OTUD7A: variants seen among roughly 807,000 people sequenced by gnomAD.
OTUD7A encodes the protein OTU domain-containing protein 7A.
OTUD7A carries 12 observed loss-of-function variants against 65.7 expected under a neutral mutation model. That is an observed-to-expected ratio of 0.18 (90% confidence interval 0.12 to 0.30). The LOEUF (loss-of-function observed/expected upper bound fraction) is 0.30. OTUD7A is among the 10% of genes least tolerant of loss of function. OTUD7A has a pLI of 1.00. For missense variants in OTUD7A, 1,148 were observed against 1,304.8 expected (o/e 0.88, Z 1.85); for synonymous variants, 641 against 586.3 (o/e 1.09, Z -1.35).
intron 8 of OTUD7A, among the ~76,000 whole-genome samples, chr15:31,506,945 T>G (rs1343146967): frequency 1.3e-5 from 2 of 152,248 alleles, no homozygotes; most frequent in Non-Finnish European, 2.9e-5. Context: ...GGGGATAATT[T>G]GGGCCTCTGG....
chr15:31,773,356 A>G (rs571145396), intron 1 of OTUD7A, among the ~76,000 whole-genome samples: 26 of 152,236 alleles, frequency 1.7e-4, no homozygotes, highest in Non-Finnish European at 3.4e-4. Flanking sequence ...TGGAGGGAAG[A>G]AGTCCAACAT....
chr15:31,512,078 AT>A (rs2041762487), intron 8 of OTUD7A, among the ~76,000 whole-genome samples: 1 of 152,064 alleles, frequency 6.6e-6, no homozygotes, highest in South Asian at 2.1e-4. Flanking sequence ...TCTCCTTGGT[AT>A]GTTTTAACTA....
chr15:31,487,464 G>A lies in OTUD7A; in HGVS notation c.1274C>T (p.Ala425Val). The change falls in exon 11 of 13, where the codon GCC becomes GTC. Residue 425 changes from alanine to valine, a missense_variant. Transcript: ENST00000307050. The surrounding 1 kb of genome is among the most constrained non-coding windows in gnomAD (Gnocchi z 6.0). ...AGTAGGATCTTACTGGGCCAGCCGG[G>A]CGTTATCGTTGTCGTCTTTCCCCCA... ...WEWGKDDNDN[A>V]RLAHLILSLE... 6.2e-7 allele frequency: 1 copy of A among 1,613,992 alleles called. No homozygotes were observed. Among genetic ancestry groups the A allele is most frequent in the Non-Finnish European group, 8.5e-7 (1 of 1,179,992 alleles).
Position 31,479,931 on chromosome 15 carries a change from A to G in OTUD7A, c.*3363T>C, listed in dbSNP as rs545396521. Reference sequence around the variant, plus strand: ...AGTGAATACAAAGTATTCATTTAAGAGGAAAGGTGCAGTACCAAAATCCAT... The same window carrying G: ...AGTGAATACAAAGTATTCATTTAAGGGGAAAGGTGCAGTACCAAAATCCAT... On this transcript the variant is annotated 3_prime_UTR_variant, in exon 13 of 13. Transcript: ENST00000307050. The G allele has an allele frequency of 6.6e-6, 1 of 152,260 alleles. No homozygotes were observed. The highest frequency in any genetic ancestry group is 2.4e-5 in the African/African-American group (1 of 41,470). The allele number at this position is 152,260 out of a possible 1,614,324, so 9.4% of individuals were successfully genotyped here. A position where few individuals can be genotyped will look rare whatever the true frequency, so the allele number is the denominator to read the frequency against.
chr15:31,678,285 T>C (rs941746611), intron 1 of OTUD7A, among the ~76,000 whole-genome samples: 10 of 152,152 alleles, frequency 6.6e-5, no homozygotes, highest in Admixed American at 6.5e-4. Context: ...GTTCAGAAAA[T>C]TTGCAGCCTG....
chr15:31,784,827 T>A (rs1256014292), intron 1 of OTUD7A, among the ~76,000 whole-genome samples: 1 of 152,130 alleles, frequency 6.6e-6, no homozygotes, highest in Non-Finnish European at 1.5e-5. Context: ...AAAGAATGAA[T>A]AGAAGGTGAG....
At position 31,655,151 on chromosome 15, in the gene OTUD7A, T is replaced by G; in HGVS notation, c.96A>C (p.Ser32=). The G allele has an allele frequency of 6.5e-7, 1 of 1,542,446 alleles. No individual in the cohort carries two copies. The highest frequency in any genetic ancestry group is 8.7e-7 in the Non-Finnish European group (1 of 1,148,048). ...PMTLDMDAVL[S]DFVRSTGAEP... ...CTGCCCCCGTGGACCGAACAAAGTC[T>G]GACAGGACTGCGTCCATATCAAGAG... The change falls in exon 3 of 13, where the codon TCA becomes TCC. Residue 32 remains serine, a synonymous_variant. Coordinates refer to ENST00000307050, the MANE Select transcript of OTUD7A (RefSeq NM_001382637.1).
At chr15:31,781,844 T>C (rs1895548092) in intron 1 of OTUD7A, among the ~76,000 whole-genome samples, 1 of 152,236 alleles carries the variant, frequency 6.6e-6, no homozygotes. Flanking sequence ...CATATACATC[T>C]GTATCCTATC....
chr15:31,647,954 T>C (rs952662229), intron 3 of OTUD7A, among the ~76,000 whole-genome samples: 1 of 151,396 alleles, frequency 6.6e-6, no homozygotes, highest in Non-Finnish European at 1.5e-5. Flanking sequence ...GGGAAAGGGA[T>C]GGTGAAGAGA....
Position 31,527,161 on chromosome 15 carries a change from C to G in OTUD7A, c.780+20G>C, listed in dbSNP as rs770274007. ...ATCTGGCCTGGGTCCCGGGCTCTGG[C>G]CATGCCAGTGGATACCAACCTCCTT... On this transcript the variant is annotated intron_variant, in intron 7 of 12. Transcript: ENST00000307050. 2 of 1,613,682 alleles carry G rather than the reference C, an allele frequency of 1.2e-6. No homozygotes were observed. Among genetic ancestry groups the G allele is most frequent in the Non-Finnish European group, 1.7e-6 (2 of 1,179,812 alleles).
At chr15:31,639,816 T>C (rs1891458154) in intron 3 of OTUD7A, among the ~76,000 whole-genome samples, 1 of 152,218 alleles carries the variant, frequency 6.6e-6, no homozygotes, top group African/African-American at 2.4e-5. Flanking sequence ...TGTATCTTCT[T>C]TGGTGAAGTC....
intron 3 of OTUD7A, among the ~76,000 whole-genome samples, chr15:31,581,373 T>C (rs754842453): frequency 1.3e-4 from 20 of 152,176 alleles, no homozygotes; most frequent in Non-Finnish European, 2.2e-4. Context: ...ATGGTGGCCC[T>C]CTTCTCACAG....
intron 1 of OTUD7A, among the ~76,000 whole-genome samples, chr15:31,843,758 T>G (rs1897239771): frequency 6.6e-6 from 1 of 152,168 alleles, no homozygotes; most frequent in Non-Finnish European, 1.5e-5. Context: ...GCCACCTGCA[T>G]CACATAATGA....
chr15:31,727,922 A>G (rs776274617), intron 1 of OTUD7A, among the ~76,000 whole-genome samples: 9 of 152,158 alleles, frequency 5.9e-5, no homozygotes, highest in Non-Finnish European at 7.3e-5. Flanking sequence ...GAGCTCCTTT[A>G]TGCTCACTTA....
At chr15:31,847,750 G>A (rs537452133) in intron 1 of OTUD7A, among the ~76,000 whole-genome samples, 1 of 152,198 alleles carries the variant, frequency 6.6e-6, no homozygotes, top group Non-Finnish European at 1.5e-5. Flanking sequence ...AAGAAAAGAG[G>A]TTTAATTGAC....
At chr15:31,748,940 C>A (rs1248981426) in intron 1 of OTUD7A, among the ~76,000 whole-genome samples, 1 of 152,130 alleles carries the variant, frequency 6.6e-6, no homozygotes, top group African/African-American at 2.4e-5. Context: ...AAAAAAGATA[C>A]TCAAACATTC....
At position 31,728,839 on chromosome 15, in the gene OTUD7A, G is replaced by C. The variant is rs376740753; in HGVS notation, c.-99-71762C>G. Among the ~76,000 whole-genome samples the C allele has an allele frequency of 2.0e-4, 31 of 152,324 alleles. 1 individual carries two copies. Among genetic ancestry groups the C allele is most frequent in the Admixed American group, 1.2e-3 (19 of 15,306 alleles). On this transcript the variant is annotated intron_variant, in intron 1 of 12. Coordinates refer to ENST00000307050, the MANE Select transcript of OTUD7A (RefSeq NM_001382637.1). ...TTTATTATACTGTGACGTCCAGGTA[G>C]GGATGGACTATGTCTGTCATTCTCC...
At chr15:31,564,272 A>T (rs539930122) in intron 4 of OTUD7A, among the ~76,000 whole-genome samples, 1 of 152,228 alleles carries the variant, frequency 6.6e-6, no homozygotes, top group African/African-American at 2.4e-5. Flanking sequence ...TTCAATCTAG[A>T]GTTTTTAATC....
At chr15:31,867,511 A>G (rs888559414) in intron 1 of OTUD7A, among the ~76,000 whole-genome samples, 1 of 152,176 alleles carries the variant, frequency 6.6e-6, no homozygotes, top group African/African-American at 2.4e-5. Context: ...AAGGGGTCAA[A>G]TAGGCCCCTC....
Sources: allele counts gnomAD v4.1 joint callset (sites outside exome capture counted in the v4.1 genomes callset), GRCh38; gene constraint gnomAD v4.1.1; non-coding constraint Gnocchi (gnomAD v3.1); transcripts MANE v1.5; gene names NCBI Gene and HGNC (gene_info 2026-07-23, HGNC 2026-07-21).